Variants in RNGTT observed in about 807,000 individuals in gnomAD.
RNGTT encodes the protein mRNA-capping enzyme.
A neutral mutation model predicts 79.3 loss-of-function variants in RNGTT; 33 were observed. The ratio of observed to expected loss-of-function variants is 0.42; its 90% CI spans 0.32 to 0.56. The LOEUF is 0.56. Among genes scored for constraint, RNGTT ranks in the 20% least tolerant of loss-of-function variants. The probability of loss-of-function intolerance (pLI) is 0.17; values close to 1 mark genes in which losing one functional copy is unlikely to be tolerated. For synonymous variants in RNGTT, 222 were observed against 235.9 expected (o/e 0.94, Z 0.54); for missense variants, 497 against 739.1 (o/e 0.67, Z 3.80).
intron 13 of RNGTT, among the ~76,000 whole-genome samples, chr6:88,749,872 A>G (rs1191677041): frequency 2.0e-5 from 3 of 152,130 alleles, no homozygotes; most frequent in Non-Finnish European, 4.4e-5. Context: ...TCCCTCCAAC[A>G]CCTGTAGGGA....
chr6:88,845,204 T>TATAG (rs1781446241), intron 10 of RNGTT, among the ~76,000 whole-genome samples: 1 of 152,128 alleles, frequency 6.6e-6, no homozygotes, highest in South Asian at 2.1e-4. Flanking sequence ...GTGCTAATGC[T>TATAG]ATAGACATCA....
At chr6:88,909,877 A>T (rs1248074310) in intron 4 of RNGTT, among the ~76,000 whole-genome samples, 1 of 152,058 alleles carries the variant, frequency 6.6e-6, no homozygotes, top group Non-Finnish European at 1.5e-5. Context: ...ACTCATACAG[A>T]GCCTTGGCCC....
At chr6:88,857,155 A>G (rs1781869980) in intron 8 of RNGTT, among the ~76,000 whole-genome samples, 1 of 152,174 alleles carries the variant, frequency 6.6e-6, no homozygotes, top group Non-Finnish European at 1.5e-5. Context: ...GATGTGAGAT[A>G]TATAATTAAG....
At chr6:88,796,695 G>T (rs1440942270) in intron 12 of RNGTT, among the ~76,000 whole-genome samples, 3 of 152,046 alleles carry the variant, frequency 2.0e-5, no homozygotes, top group Non-Finnish European at 2.9e-5. Flanking sequence ...AAGGAAAGGG[G>T]GATAGAACTA....
intron 11 of RNGTT, among the ~76,000 whole-genome samples, chr6:88,806,667 T>C (rs567682555): frequency 7.9e-5 from 12 of 152,122 alleles, no homozygotes; most frequent in Non-Finnish European, 1.8e-4. Context: ...AGTTCAACCA[T>C]TGTGGAAGAC....
At chr6:88,751,288 G>T (rs1042286237) in intron 13 of RNGTT, among the ~76,000 whole-genome samples, 2 of 152,062 alleles carry the variant, frequency 1.3e-5, no homozygotes, top group African/African-American at 4.8e-5. Context: ...CTTCTACAAT[G>T]AACCCACTTA....
chr6:88,710,229 A>G (rs148209611), intron 13 of RNGTT, among the ~76,000 whole-genome samples: 2 of 152,200 alleles, frequency 1.3e-5, no homozygotes, highest in South Asian at 4.1e-4. Context: ...AAAATAGTGA[A>G]TTTCTATTCA....
chr6:88,845,156 G>GA (rs1237092377), intron 10 of RNGTT, among the ~76,000 whole-genome samples: 1 of 151,318 alleles, frequency 6.6e-6, no homozygotes, highest in East Asian at 1.9e-4. Context: ...CACCAAAATA[G>GA]GTCGCACAGT....
chr6:88,917,196 T>C (rs1446749152), intron 4 of RNGTT, among the ~76,000 whole-genome samples: 1 of 152,242 alleles, frequency 6.6e-6, no homozygotes, highest in Admixed American at 6.5e-5. Flanking sequence ...CAAAACATGC[T>C]ACTTTTAAAA....
At chr6:88,746,232 C>A (rs1252278661) in intron 13 of RNGTT, among the ~76,000 whole-genome samples, 1 of 151,910 alleles carries the variant, frequency 6.6e-6, no homozygotes, top group Non-Finnish European at 1.5e-5. Context: ...CAAGTTTCTT[C>A]ACAACCAACT....
chr6:88,856,310 T>C (rs1012797245), intron 8 of RNGTT, among the ~76,000 whole-genome samples: 5 of 152,102 alleles, frequency 3.3e-5, no homozygotes, highest in African/African-American at 1.2e-4. Flanking sequence ...GTAATAATGA[T>C]AACTGAAATT....
At chr6:88,768,493 C>T (rs1778541362) in intron 13 of RNGTT, among the ~76,000 whole-genome samples, 1 of 152,152 alleles carries the variant, frequency 6.6e-6, no homozygotes, top group Non-Finnish European at 1.5e-5. Context: ...AGATTCACCA[C>T]AATGCACAGT....
chr6:88,791,577 A>T (rs894463363), intron 12 of RNGTT, among the ~76,000 whole-genome samples: 22 of 151,976 alleles, frequency 1.4e-4, no homozygotes, highest in Admixed American at 5.9e-4. Flanking sequence ...TCTGGCTCTG[A>T]CGCCCAGGCT....
rs1257264274 is a variant in RNGTT at position 88,890,600 on chromosome 6, AAAG to A, written c.795-7_795-5del. On this transcript the variant is annotated splice_polypyrimidine_tract_variant and splice_region_variant and intron_variant, in intron 7 of 15. Coordinates refer to ENST00000369485, the MANE Select transcript of RNGTT (RefSeq NM_003800.5). ...CTGTGCTCCAGGGAATCCAGACCTT[AAAG>A]AAGAACACAGTATTACTATCGTGGC... 21 of 1,602,194 alleles carry A rather than the reference AAAG, an allele frequency of 1.3e-5. No homozygotes were observed. The highest frequency in any genetic ancestry group is 1.8e-5 in the Non-Finnish European group (21 of 1,170,236).
rs1401927552 is a variant in RNGTT at position 88,844,540 on chromosome 6, T to C, written c.1105-19A>G. ...GCTGTGACTGAATTAAATAAAGAATTAGTTAAATTTCAACACTAACAACTA... is the reference window on the plus strand; with the variant it reads ...GCTGTGACTGAATTAAATAAAGAATCAGTTAAATTTCAACACTAACAACTA... On this transcript the variant is annotated intron_variant, in intron 10 of 15. Transcript: ENST00000369485. The C allele has an allele frequency of 1.9e-6, 3 of 1,592,926 alleles. No individual in the cohort carries two copies. The highest frequency in any genetic ancestry group is 1.4e-5 in the African/African-American group (1 of 73,532).
chr6:88,728,772 C>T (rs892669328), intron 13 of RNGTT, among the ~76,000 whole-genome samples: 14 of 152,156 alleles, frequency 9.2e-5, no homozygotes, highest in South Asian at 4.1e-4. Flanking sequence ...CCTTTTACAA[C>T]GGAAGAATTT....
chr6:88,872,732 G>T (rs1394975185), intron 8 of RNGTT, among the ~76,000 whole-genome samples: 1 of 152,154 alleles, frequency 6.6e-6, no homozygotes, highest in Non-Finnish European at 1.5e-5. Context: ...GGAGAAAAGA[G>T]CATCAGCAGA....
intron 13 of RNGTT, among the ~76,000 whole-genome samples, chr6:88,697,712 C>T (rs530617082): frequency 6.7e-6 from 1 of 149,818 alleles, no homozygotes; most frequent in East Asian, 2.0e-4. Flanking sequence ...ATACAAAAAA[C>T]AAAACAAAAC....
intron 11 of RNGTT, among the ~76,000 whole-genome samples, chr6:88,814,988 G>T (rs1014317100): frequency 3.3e-5 from 5 of 152,146 alleles, no homozygotes; most frequent in Non-Finnish European, 7.3e-5. Context: ...ACTGGGAAAC[G>T]ATCTCTAGGC....
Sources: allele counts gnomAD v4.1 joint callset (sites outside exome capture counted in the v4.1 genomes callset), GRCh38; gene constraint gnomAD v4.1.1; transcripts MANE v1.5; gene names NCBI Gene and HGNC (gene_info 2026-07-23, HGNC 2026-07-21).